CADPS2: variants seen among roughly 807,000 people sequenced by gnomAD.
CADPS2 encodes the protein calcium-dependent secretion activator 2.
A neutral mutation model predicts 172.5 loss-of-function variants in CADPS2; 93 were observed. That is an observed-to-expected ratio of 0.54 (90% CI 0.46 to 0.64). The LOEUF is 0.64. Ranked by LOEUF, CADPS2 falls within the 30% of genes least tolerant of loss-of-function variation. The pLI is 0.00. For missense variants in CADPS2, 1,420 were observed against 1,565.9 expected (o/e 0.91, Z 1.57); for synonymous variants, 546 against 555.2 (o/e 0.98, Z 0.23).
intron 17 of CADPS2, among the ~76,000 whole-genome samples, chr7:122,431,180 T>A (rs2049863054): frequency 6.6e-6 from 1 of 152,258 alleles, no homozygotes; most frequent in Admixed American, 6.5e-5. Context: ...GCTTGCCAGT[T>A]TATGGATGTT....
chr7:122,843,322 G>A (rs1211907544), intron 1 of CADPS2, among the ~76,000 whole-genome samples: 1 of 151,986 alleles, frequency 6.6e-6, no homozygotes, highest in African/African-American at 2.4e-5. Context: ...AAAGCTACAG[G>A]ACTTAATTAC....
chr7:122,673,681 T>G (rs1253471530), intron 2 of CADPS2, among the ~76,000 whole-genome samples: 4 of 152,052 alleles, frequency 2.6e-5, no homozygotes, highest in Non-Finnish European at 4.4e-5. Flanking sequence ...GATTGTTGCA[T>G]ATACAATCCT....
chr7:122,884,736 G>T (rs970246894), intron 1 of CADPS2, among the ~76,000 whole-genome samples: 1 of 152,194 alleles, frequency 6.6e-6, no homozygotes, highest in African/African-American at 2.4e-5. Context: ...AACTATAGGT[G>T]TGTACTTATC....
intron 3 of CADPS2, among the ~76,000 whole-genome samples, chr7:122,629,639 C>T (rs28517374): frequency 0.014 from 2,073 of 152,202 alleles, 42 homozygotes; most frequent in African/African-American, 0.046. Flanking sequence ...TTTGTTCTTT[C>T]AAGTTCTCAC....
intron 5 of CADPS2, among the ~76,000 whole-genome samples, chr7:122,620,619 A>C (rs1468000339): frequency 6.6e-6 from 1 of 152,194 alleles, no homozygotes; most frequent in African/African-American, 2.4e-5. Flanking sequence ...CACAATTTTA[A>C]ATGTATGACT....
chr7:122,460,760 A>G (rs989721803), intron 14 of CADPS2, among the ~76,000 whole-genome samples: 4 of 152,204 alleles, frequency 2.6e-5, no homozygotes, highest in Admixed American at 6.5e-5. Flanking sequence ...GGAAAAAGAT[A>G]TTCAGAAGTA....
chr7:122,823,991 T>G (rs1804133685), intron 1 of CADPS2, among the ~76,000 whole-genome samples: 1 of 152,146 alleles, frequency 6.6e-6, no homozygotes, highest in Admixed American at 6.5e-5. Flanking sequence ...CCCAGTAACT[T>G]ACACATGCAA....
At chr7:122,597,830 A>G (rs2133384233) in intron 6 of CADPS2, among the ~76,000 whole-genome samples, 1 of 152,156 alleles carries the variant, frequency 6.6e-6, no homozygotes, top group South Asian at 2.1e-4. Context: ...GTTCCAATTT[A>G]CTCAGGTATA....
intron 3 of CADPS2, among the ~76,000 whole-genome samples, chr7:122,659,310 T>TAAAAAAAAA (rs34582432): frequency 7.7e-6 from 1 of 129,140 alleles, no homozygotes; most frequent in Non-Finnish European, 1.6e-5. Context: ...ATGCTAGACA[T>TAAAAAAAAA]AAAAAAAAAA....
chr7:122,875,834 A>G (rs571044539), intron 1 of CADPS2, among the ~76,000 whole-genome samples: 31 of 152,220 alleles, frequency 2.0e-4, no homozygotes, highest in Non-Finnish European at 4.4e-4. Flanking sequence ...TCTTATTACA[A>G]AACCAAAAAT....
chr7:122,409,620 T>G, intron 19 of CADPS2: 1 of 470,892 alleles, frequency 2.1e-6, no homozygotes, highest in South Asian at 1.6e-5. Flanking sequence ...TGAATGCCTC[T>G]TCTCCTAATG....
intron 8 of CADPS2, among the ~76,000 whole-genome samples, chr7:122,524,293 C>T (rs1586845377): frequency 6.6e-6 from 1 of 152,064 alleles, no homozygotes; most frequent in East Asian, 1.9e-4. Flanking sequence ...CCTGAATTAA[C>T]ACAAATATGT....
chr7:122,610,859 T>C (rs1380633829), intron 6 of CADPS2, among the ~76,000 whole-genome samples: 1 of 152,134 alleles, frequency 6.6e-6, no homozygotes, highest in Non-Finnish European at 1.5e-5. Flanking sequence ...CTAGTGTTCT[T>C]CCAATGGGTT....
intron 9 of CADPS2, among the ~76,000 whole-genome samples, chr7:122,494,319 G>C (rs1266213139): frequency 1.3e-5 from 2 of 152,100 alleles, no homozygotes; most frequent in African/African-American, 4.8e-5. Context: ...GAAACAAATG[G>C]AGAAGTACTC....
chr7:122,467,616 G>T (rs1178283217), intron 14 of CADPS2, among the ~76,000 whole-genome samples: 2 of 152,210 alleles, frequency 1.3e-5, no homozygotes, highest in Non-Finnish European at 2.9e-5. Context: ...GCTGGCGTTT[G>T]TCAGGCATGC....
At chr7:122,528,775 G>C (rs1390521672) in intron 8 of CADPS2, among the ~76,000 whole-genome samples, 1 of 152,042 alleles carries the variant, frequency 6.6e-6, no homozygotes, top group Non-Finnish European at 1.5e-5. Context: ...CAAATTTCAA[G>C]TTTTGGATAT....
chr7:122,438,812 C>T (rs1042951857), intron 16 of CADPS2, among the ~76,000 whole-genome samples: 14 of 152,002 alleles, frequency 9.2e-5, no homozygotes, highest in African/African-American at 9.6e-5. Flanking sequence ...TTACAGTTCT[C>T]GGGACAAATA....
intron 27 of CADPS2, among the ~76,000 whole-genome samples, chr7:122,360,554 T>A (rs2039992161): frequency 6.6e-6 from 1 of 152,188 alleles, no homozygotes; most frequent in Non-Finnish European, 1.5e-5. Flanking sequence ...GCAACTCAGG[T>A]GATATGTTCT....
At chr7:122,835,309 G>A (rs1249720515) in intron 1 of CADPS2, among the ~76,000 whole-genome samples, 1 of 152,098 alleles carries the variant, frequency 6.6e-6, no homozygotes, top group Non-Finnish European at 1.5e-5. Flanking sequence ...AAGACCAAAG[G>A]TAGATAAAAC....
Sources: allele counts gnomAD v4.1 joint callset (sites outside exome capture counted in the v4.1 genomes callset), GRCh38; gene constraint gnomAD v4.1.1; transcripts MANE v1.5; gene names NCBI Gene and HGNC (gene_info 2026-07-23, HGNC 2026-07-21).